The following DNAJC13 variants were observed in gnomAD, a reference collection of about 807,000 sequenced individuals.
The protein encoded by DNAJC13 is DnaJ heat shock protein family (Hsp40) member C13.
DNAJC13 carries 75 observed loss-of-function variants against 290.5 expected under a neutral mutation model. The ratio of observed to expected loss-of-function variants is 0.26; its 90% confidence interval spans 0.21 to 0.31. The LOEUF (loss-of-function observed/expected upper bound fraction) is 0.31. Among genes scored for constraint, DNAJC13 ranks in the 10% least tolerant of loss-of-function variants. DNAJC13 has a pLI of 1.00. For missense variants in DNAJC13, 2,260 were observed against 2,674.5 expected (o/e 0.85, Z 3.42); for synonymous variants, 862 against 892.0 (o/e 0.97, Z 0.60).
chr3:132,491,557 T>C (rs1012421607), intron 32 of DNAJC13, among the ~76,000 whole-genome samples: 2 of 151,978 alleles, frequency 1.3e-5, no homozygotes, highest in African/African-American at 4.8e-5. Context: ...CTAAGGTATG[T>C]CTTTGTTGGG....
At chr3:132,473,943 A>G (rs1049310846) in intron 21 of DNAJC13, among the ~76,000 whole-genome samples, 11 of 152,280 alleles carry the variant, frequency 7.2e-5, no homozygotes, top group African/African-American at 2.6e-4. Flanking sequence ...GGAACTCTGA[A>G]ATGAGACTTT....
intron 26 of DNAJC13, 78 bp from the exon 27 acceptor site, chr3:132,482,148 C>A: frequency 8.7e-7 from 1 of 1,150,506 alleles, no homozygotes; most frequent in Non-Finnish European, 1.2e-6. Flanking sequence ...CAAAGTACTG[C>A]TGTGCAACTT....
At position 132,511,105 on chromosome 3, in the gene DNAJC13, A is replaced by G. The variant is rs756186374; in HGVS notation, c.5154A>G (p.Ile1718Met). 1 of 1,613,982 alleles carries G rather than the reference A, an allele frequency of 6.2e-7. No homozygotes were observed. Residue 1718 changes from isoleucine (I) to methionine (M), a missense_variant, in exon 44 of 56, where the codon ATA becomes ATG. Around this residue, in one of 3 missense-constraint regions of DNAJC13, gnomAD observed 1,494 missense variants for 1,693.7 expected, o/e 0.88. Coordinates refer to ENST00000260818, the MANE Select transcript of DNAJC13 (RefSeq NM_015268.4). ...KAFAASLLDY[I>M]GSQAQYLHTF... ...TTGCTGCAAGTCTCTTGGATTATAT[A>G]GGCTCGCAGGCCCAATACTTGCACA...
chr3:132,509,008 C>A (rs545012312), intron 43 of DNAJC13, among the ~76,000 whole-genome samples: 6 of 152,326 alleles, frequency 3.9e-5, no homozygotes, highest in African/African-American at 1.4e-4. Context: ...CCTGCTAATA[C>A]AGCATCCATT....
chr3:132,503,063 G>A (rs1935471901), intron 40 of DNAJC13, 151 bp from the exon 41 acceptor site: 1 of 741,470 alleles, frequency 1.3e-6, no homozygotes, highest in Non-Finnish European at 2.1e-6. Context: ...ACTTTCTGAT[G>A]TTTACCTCAG....
At chr3:132,467,375 C>T (rs1253103872) in intron 20 of DNAJC13, 62 bp downstream of exon 20, 2 of 1,556,248 alleles carry the variant, frequency 1.3e-6, no homozygotes, top group Non-Finnish European at 1.8e-6. Context: ...TACTTTAGTT[C>T]CTGCTGTTCA....
chr3:132,500,330 A>G (rs1470628498), intron 38 of DNAJC13, among the ~76,000 whole-genome samples: 1 of 152,230 alleles, frequency 6.6e-6, no homozygotes, highest in Non-Finnish European at 1.5e-5. Flanking sequence ...TCCATCCTCT[A>G]TTTTGAAGTC....
chr3:132,500,710 T>G (rs11925382), intron 38 of DNAJC13, 84 bp from the exon 39 acceptor site: 6 of 1,566,294 alleles, frequency 3.8e-6, no homozygotes, highest in South Asian at 2.3e-5. Context: ...ATTCACAAAT[T>G]TCTGCTGGTT....
intron 2 of DNAJC13, 53 bp downstream of exon 2, chr3:132,434,671 C>T (rs191648146): frequency 1.4e-6 from 2 of 1,432,184 alleles, no homozygotes; most frequent in Admixed American, 3.8e-5. Context: ...ATATTTTAAA[C>T]ATTACTGTGT....
At chr3:132,483,701 C>CCTG in intron 28 of DNAJC13, 124 bp downstream of exon 28, 1 of 1,019,142 alleles carries the variant, frequency 9.8e-7, no homozygotes, top group South Asian at 1.8e-5. Context: ...CTGTTTTGAC[C>CCTG]TTTGGAATTT....
chr3:132,442,195 G>A (rs1190550820), intron 2 of DNAJC13, among the ~76,000 whole-genome samples: 2 of 151,666 alleles, frequency 1.3e-5, no homozygotes, highest in Non-Finnish European at 2.9e-5. Flanking sequence ...TTTCAACATG[G>A]GGTCTGCCAT....
At chr3:132,466,226 A>G in intron 18 of DNAJC13, 73 bp from the exon 19 acceptor site, 1 of 1,496,394 alleles carries the variant, frequency 6.7e-7, no homozygotes, top group South Asian at 1.3e-5. Flanking sequence ...AAGCCACAGT[A>G]TTAATTTATT....
At position 132,481,503 on chromosome 3, in the gene DNAJC13, C is replaced by T. The variant is rs112465113; in HGVS notation, c.2875-723C>T. Among the ~76,000 whole-genome samples, 915 of 152,228 alleles carry T rather than the reference C, an allele frequency of 6.0e-3. 9 individuals are homozygous for T. Among genetic ancestry groups the T allele is most frequent in the East Asian group, 0.029 (150 of 5,176 alleles). On this transcript the variant is annotated intron_variant, in intron 26 of 55. Coordinates refer to ENST00000260818, the MANE Select transcript of DNAJC13 (RefSeq NM_015268.4). ...GGCTAAGGCAGGAGGATTGCATGAG[C>T]CTGGGAAGTCAAGGCTGCAGTGAGG...
chr3:132,482,045 C>T (rs1934693713), intron 26 of DNAJC13, among the ~76,000 whole-genome samples, 181 bp from the exon 27 acceptor site: 1 of 152,068 alleles, frequency 6.6e-6, no homozygotes, highest in Non-Finnish European at 1.5e-5. Flanking sequence ...TTTTTTTGGA[C>T]TGTTAGGTTA....
Position 132,418,966 on chromosome 3 carries a change from A to C in DNAJC13, c.-14+1206A>C, listed in dbSNP as rs1013399347. Reference sequence around the variant, plus strand: ...GTCAGAAATTCGGTATCCAGAACACAGTTCTTTGATTTTTGGAAAGTACTT... The same window carrying C: ...GTCAGAAATTCGGTATCCAGAACACCGTTCTTTGATTTTTGGAAAGTACTT... On this transcript the variant is annotated intron_variant, in intron 1 of 55. Coordinates refer to ENST00000260818, the MANE Select transcript of DNAJC13 (RefSeq NM_015268.4). Among the ~76,000 whole-genome samples the C allele has an allele frequency of 2.0e-5, 3 of 152,230 alleles. No individual in the cohort carries two copies. The East Asian group carries it at 5.8e-4, about 29-fold the overall frequency.
At chr3:132,470,853 A>C (rs1363988241) in intron 20 of DNAJC13, among the ~76,000 whole-genome samples, 1 of 114,550 alleles carries the variant, frequency 8.7e-6, no homozygotes, top group Non-Finnish European at 1.8e-5. Flanking sequence ...TGATCCCCCC[A>C]CCTCCCTCCC....
chr3:132,497,519 C>T (rs1935272591), intron 36 of DNAJC13, among the ~76,000 whole-genome samples: 1 of 152,202 alleles, frequency 6.6e-6, no homozygotes, highest in South Asian at 2.1e-4. Flanking sequence ...AGGGGACAAC[C>T]TGAGGATCTA....
At chr3:132,476,141 C>G (rs1461008876) in intron 22 of DNAJC13, among the ~76,000 whole-genome samples, 1 of 152,074 alleles carries the variant, frequency 6.6e-6, no homozygotes, top group Admixed American at 6.5e-5. Flanking sequence ...ACCATGTTGC[C>G]CAGTCTGGCT....
At chr3:132,471,665 G>A (rs1375844579) in intron 20 of DNAJC13, among the ~76,000 whole-genome samples, 1 of 124,806 alleles carries the variant, frequency 8.0e-6, no homozygotes, top group Non-Finnish European at 1.7e-5. Flanking sequence ...GGGCAGAGAC[G>A]CTCCTCACTT....
Sources: gnomAD v4.1 joint callset for allele counts (sites outside exome capture counted in the v4.1 genomes callset) on GRCh38, gnomAD v4.1.1 for gene constraint, gnomAD v4.1.1 regional missense constraint, MANE v1.5 for transcripts, NCBI Gene and HGNC (gene_info 2026-07-23, HGNC 2026-07-21) for gene names.